Variants in CDKAL1 observed in about 807,000 individuals in gnomAD.
CDKAL1 encodes the protein CDKAL1 threonylcarbamoyladenosine tRNA methylthiotransferase.
In CDKAL1, 32 loss-of-function variants were observed where a neutral mutation model predicts 68.2. The ratio of observed to expected loss-of-function variants is 0.47; its 90% CI spans 0.35 to 0.63. The LOEUF (loss-of-function observed/expected upper bound fraction) is 0.63. Ranked by LOEUF, CDKAL1 falls within the 30% of genes least tolerant of loss-of-function variation. The pLI is 0.00. For synonymous variants in CDKAL1, 234 were observed against 244.3 expected (o/e 0.96, Z 0.39); for missense variants, 606 against 696.7 (o/e 0.87, Z 1.47).
intron 11 of CDKAL1, among the ~76,000 whole-genome samples, chr6:21,002,165 G>T (rs1767462182): frequency 6.6e-6 from 1 of 152,158 alleles, no homozygotes; most frequent in South Asian, 2.1e-4. Context: ...GTAAAAAGAT[G>T]ATCATGTCAG....
intron 8 of CDKAL1, among the ~76,000 whole-genome samples, chr6:20,816,091 C>A (rs1412334381): frequency 6.6e-6 from 1 of 151,014 alleles, no homozygotes; most frequent in African/African-American, 2.4e-5. Flanking sequence ...TGTGTCCATA[C>A]TGATATCTGG....
chr6:20,644,722 G>A (rs62397612), intron 4 of CDKAL1, among the ~76,000 whole-genome samples: 35,114 of 152,022 alleles, frequency 0.23, 4,409 homozygotes, highest in African/African-American at 0.3. Context: ...TATGTTCAGC[G>A]GGAAAGGAAT....
intron 12 of CDKAL1, among the ~76,000 whole-genome samples, chr6:21,070,399 C>CTCTT (rs1554170016): frequency 7.2e-6 from 1 of 139,336 alleles, no homozygotes; most frequent in Non-Finnish European, 1.5e-5. Flanking sequence ...TTGTTTCTCT[C>CTCTT]TTTTTTTTTT....
intron 4 of CDKAL1, among the ~76,000 whole-genome samples, chr6:20,631,973 T>C (rs1264111509): frequency 1.3e-5 from 2 of 152,238 alleles, no homozygotes; most frequent in East Asian, 1.9e-4. Context: ...ATGTCTATAA[T>C]TATACTGTAT....
At chr6:20,710,784 G>A (rs1771810078) in intron 5 of CDKAL1, among the ~76,000 whole-genome samples, 1 of 152,124 alleles carries the variant, frequency 6.6e-6, no homozygotes, top group African/African-American at 2.4e-5. Flanking sequence ...TGAACATGCA[G>A]TAATGGATTA....
At chr6:20,979,197 T>A (rs1221410733) in intron 10 of CDKAL1, among the ~76,000 whole-genome samples, 2 of 152,204 alleles carry the variant, frequency 1.3e-5, no homozygotes, top group Non-Finnish European at 2.9e-5. Context: ...TGTGTCTGTG[T>A]ATATTGAAAC....
intron 5 of CDKAL1, among the ~76,000 whole-genome samples, chr6:20,693,550 T>C (rs1423347345): frequency 6.6e-6 from 1 of 152,194 alleles, no homozygotes; most frequent in Non-Finnish European, 1.5e-5. Context: ...CAGATAGATA[T>C]GTTTCTTTCA....
At chr6:20,611,360 T>G (rs1030812998) in intron 4 of CDKAL1, among the ~76,000 whole-genome samples, 2 of 152,150 alleles carry the variant, frequency 1.3e-5, no homozygotes, top group East Asian at 3.9e-4. Flanking sequence ...GACTGGTCCT[T>G]TGTGCAGTGA....
intron 4 of CDKAL1, among the ~76,000 whole-genome samples, chr6:20,557,006 C>T (rs1245219392): frequency 6.8e-6 from 1 of 146,478 alleles, no homozygotes; most frequent in African/African-American, 2.5e-5. Context: ...CCACTGTACT[C>T]CAGCCTGGGC....
intron 4 of CDKAL1, among the ~76,000 whole-genome samples, chr6:20,587,043 A>C (rs1391825434): frequency 7.3e-6 from 1 of 136,152 alleles, no homozygotes; most frequent in Non-Finnish European, 1.5e-5. Context: ...CTGGAGGGCA[A>C]TGGCAAGATC....
intron 5 of CDKAL1, among the ~76,000 whole-genome samples, chr6:20,673,411 T>C (rs187151275): frequency 7.2e-4 from 110 of 152,354 alleles, no homozygotes; most frequent in African/African-American, 2.5e-3. Flanking sequence ...ATAGTATAAA[T>C]GCTAGATAAT....
intron 10 of CDKAL1, among the ~76,000 whole-genome samples, chr6:20,963,552 C>A (rs1007098431): frequency 6.6e-6 from 1 of 152,128 alleles, no homozygotes; most frequent in Admixed American, 6.5e-5. Flanking sequence ...TACATGTAGA[C>A]CGAAGGACCC....
chr6:20,551,142 G>GT, intron 4 of CDKAL1, among the ~76,000 whole-genome samples: 1 of 152,056 alleles, frequency 6.6e-6, no homozygotes, highest in South Asian at 2.1e-4. Flanking sequence ...TGGGATTACA[G>GT]GCGTGAGCCA....
chr6:20,766,597 G>A (rs143706753), intron 7 of CDKAL1, among the ~76,000 whole-genome samples: 4 of 152,220 alleles, frequency 2.6e-5, no homozygotes, highest in Non-Finnish European at 5.9e-5. Context: ...TAGTGTTTTG[G>A]CAGATTTCAT....
chr6:21,045,398 G>A (rs1770169881), intron 11 of CDKAL1, among the ~76,000 whole-genome samples: 1 of 152,152 alleles, frequency 6.6e-6, no homozygotes, highest in Non-Finnish European at 1.5e-5. Flanking sequence ...TGAGCATGAG[G>A]TAAAGTGTTA....
intron 13 of CDKAL1, among the ~76,000 whole-genome samples, chr6:21,111,309 A>C (rs6924221): frequency 3.3e-5 from 5 of 152,226 alleles, no homozygotes; most frequent in African/African-American, 1.2e-4. Context: ...TCAGAAATGC[A>C]ACTCCTATTC....
At chr6:20,876,876 A>G (rs773539532) in intron 9 of CDKAL1, among the ~76,000 whole-genome samples, 8 of 152,200 alleles carry the variant, frequency 5.3e-5, no homozygotes, top group Non-Finnish European at 1.2e-4. Flanking sequence ...AGAGCTACCT[A>G]TCTCCTCTCT....
intron 9 of CDKAL1, among the ~76,000 whole-genome samples, chr6:20,940,946 C>T (rs1210944020): frequency 6.6e-6 from 1 of 151,990 alleles, no homozygotes. Context: ...AAAAATTAGC[C>T]AGGCGTGGTG....
intron 11 of CDKAL1, among the ~76,000 whole-genome samples, chr6:21,002,398 A>AC (rs893370870): frequency 6.6e-6 from 1 of 151,528 alleles, no homozygotes; most frequent in African/African-American, 2.4e-5. Flanking sequence ...TCCATCCCAT[A>AC]CCCCCCCATA....
Sources: gnomAD v4.1 joint callset for allele counts (sites outside exome capture counted in the v4.1 genomes callset) on GRCh38, gnomAD v4.1.1 for gene constraint, MANE v1.5 for transcripts, NCBI Gene and HGNC (gene_info 2026-07-23, HGNC 2026-07-21) for gene names.